Variants in P2RY8 observed in about 807,000 individuals in gnomAD.
P2RY8 encodes P2Y receptor family member 8.
Under a neutral mutation model 10.0 loss-of-function variants are expected in P2RY8, and 6 were observed. The observed-to-expected ratio is 0.60, with a 90% confidence interval of 0.33 to 1.19. The LOEUF (loss-of-function observed/expected upper bound fraction) is 1.19. Among genes scored for constraint, P2RY8 ranks in the 50% most tolerant of loss-of-function variants. P2RY8 has a pLI of 0.04. For synonymous variants in P2RY8, 276 were observed against 252.5 expected, an observed-to-expected ratio of 1.09 and a Z score of -0.88; for missense variants, 456 against 542.0, an observed-to-expected ratio of 0.84 and a Z score of 1.58.
rs1340491978 is a variant in P2RY8 at position 1,466,053 on chromosome X, G to T, written c.506C>A (p.Ala169Asp). 1 of 1,611,804 alleles carries T rather than the reference G, an allele frequency of 6.2e-7. No individual in the cohort carries two copies. The highest frequency in any genetic ancestry group is 8.5e-7 in the Non-Finnish European group (1 of 1,179,760). ...ARTDLTYPVH[A>D]LGIITCFDVL... Reference sequence around the variant, plus strand: ...GTCGAAGCAGGTGATGATGCCCAGGGCGTGCACCGGGTAGGTGAGATCGGT... The same window carrying T: ...GTCGAAGCAGGTGATGATGCCCAGGTCGTGCACCGGGTAGGTGAGATCGGT... Residue 169 changes from alanine to aspartate, a missense_variant, in exon 2 of 2, where the codon GCC (alanine) becomes GAC (aspartate). Coordinates refer to ENST00000381297, the MANE Select transcript of P2RY8 (RefSeq NM_178129.5).
At chrX:1,533,654 T>C (rs1156631276) in intron 1 of P2RY8, among the ~76,000 whole-genome samples, 2 of 127,340 alleles carry the variant, frequency 1.6e-5, no homozygotes, top group African/African-American at 6.2e-5. Flanking sequence ...ATTATTTACA[T>C]ATTTATTATT....
At chrX:1,482,458 A>T (rs1164057201) in intron 1 of P2RY8, among the ~76,000 whole-genome samples, 1 of 152,084 alleles carries the variant, frequency 6.6e-6, no homozygotes, top group African/African-American at 2.4e-5. Flanking sequence ...CATTTAACAG[A>T]TGAGAGAGAG....
chrX:1,521,181 T>C (rs1329496333), intron 1 of P2RY8, among the ~76,000 whole-genome samples: 6 of 151,758 alleles, frequency 4.0e-5, no homozygotes, highest in Non-Finnish European at 5.9e-5. Context: ...ATTACAGAGC[T>C]GGGTTTACAG....
rs1569536548 is a variant in P2RY8, at chrX:1,471,308, C to CTTTTTTTTTTTTTTTT, written c.-24-4727_-24-4726insAAAAAAAAAAAAAAAA. ...CAGACGTGAGCCACCGCGCCCAGCCCATTTTTTTTTTTTTTTTTTTTTTGT... is the reference window on the plus strand; with the variant it reads ...CAGACGTGAGCCACCGCGCCCAGCCCTTTTTTTTTTTTTTTTATTTTTTTTTTTTTTTTTTTTTTGT... On this transcript the variant is annotated intron_variant, in intron 1 of 1. Coordinates refer to ENST00000381297, the MANE Select transcript of P2RY8 (RefSeq NM_178129.5). Among the ~76,000 whole-genome samples the CTTTTTTTTTTTTTTTT allele has an allele frequency of 4.2e-5, 3 of 71,110 alleles. 1 individual carries two copies. Among genetic ancestry groups the CTTTTTTTTTTTTTTTT allele is most frequent in the African/African-American group, 1.0e-4 (2 of 19,258 alleles). 46.7% of individuals were successfully genotyped at this position (71,110 alleles called of 152,430 possible).
chrX:1,465,260 G>T lies in P2RY8; in HGVS notation c.*219C>A. On this transcript the variant is annotated 3_prime_UTR_variant, in exon 2 of 2. Coordinates refer to ENST00000381297, the MANE Select transcript of P2RY8 (RefSeq NM_178129.5). ...AGCACCCTGTGCGCTGCTGGGCTTTGCTTGTTTCTCTACCCTGAGTGAAGC... is the reference window on the plus strand; with the variant it reads ...AGCACCCTGTGCGCTGCTGGGCTTTTCTTGTTTCTCTACCCTGAGTGAAGC... 1.4e-6 allele frequency: 1 copy of T among 710,266 alleles called. No individual in the cohort carries two copies. The highest frequency in any genetic ancestry group is 2.2e-6 in the Non-Finnish European group (1 of 447,310). 44.0% of individuals were successfully genotyped at this position (710,266 alleles called of 1,614,324 possible).
rs137919151 is a variant in P2RY8, at chrX:1,489,599, A to T, written c.-24-23017T>A. 8.6e-3 allele frequency among the ~76,000 whole-genome samples: 1,306 copies of T among 152,136 alleles called. 17 individuals carry two copies. The highest frequency in any genetic ancestry group is 0.03 in the African/African-American group (1,240 of 41,466). On this transcript the variant is annotated intron_variant, in intron 1 of 1. Coordinates refer to ENST00000381297, the MANE Select transcript of P2RY8 (RefSeq NM_178129.5). ...GAATGATACCCAGATATTCCCTGCAAATGTGGAGGGAACGAATGAATGACA... is the reference window on the plus strand; with the variant it reads ...GAATGATACCCAGATATTCCCTGCATATGTGGAGGGAACGAATGAATGACA...
At chrX:1,534,685 G>A (rs1330122198) in intron 1 of P2RY8, among the ~76,000 whole-genome samples, 1 of 152,136 alleles carries the variant, frequency 6.6e-6, no homozygotes, top group Non-Finnish European at 1.5e-5. Context: ...GAAGGAGAGG[G>A]CGCAGGAGAG....
intron 1 of P2RY8, among the ~76,000 whole-genome samples, chrX:1,479,768 G>C (rs1205178721): frequency 6.6e-6 from 1 of 152,034 alleles, no homozygotes; most frequent in Non-Finnish European, 1.5e-5. Flanking sequence ...CAACAACAAA[G>C]AATGAGGACA....
chrX:1,467,127 G>C (rs1217601442), intron 1 of P2RY8, among the ~76,000 whole-genome samples: 2 of 152,080 alleles, frequency 1.3e-5, no homozygotes, highest in Non-Finnish European at 2.9e-5. Flanking sequence ...GGCAGTATTA[G>C]TCTGGGTATG....
intron 1 of P2RY8, among the ~76,000 whole-genome samples, chrX:1,519,431 G>A (rs1283027500): frequency 1.3e-5 from 2 of 150,390 alleles, no homozygotes; most frequent in Non-Finnish European, 3.0e-5. Flanking sequence ...TATTCTCTCT[G>A]ATCTCCAATA....
chrX:1,507,717 A>G (rs1215447663), intron 1 of P2RY8, among the ~76,000 whole-genome samples: 1 of 152,042 alleles, frequency 6.6e-6, no homozygotes, highest in Non-Finnish European at 1.5e-5. Flanking sequence ...TGCCACATTC[A>G]TGAGTAGCTT....
At position 1,464,046 on chromosome X, in the gene P2RY8, G is replaced by C. The variant is rs1342975544; in HGVS notation, c.*1433C>G. 4 of 233,146 alleles carry C rather than the reference G, an allele frequency of 1.7e-5. 1 individual carries two copies. The South Asian group carries it at 5.4e-4, about 32-fold the overall frequency. 14.4% of individuals were successfully genotyped at this position (233,146 alleles called of 1,614,324 possible). A position where few individuals can be genotyped will look rare whatever the true frequency, so the allele number is the denominator to read the frequency against. ...TGACGGCAGGAGAGAGGCACCAATA[G>C]AGGGCCTCCGAACAGCAGCTTCAGC... On this transcript the variant is annotated 3_prime_UTR_variant, in exon 2 of 2. Transcript: ENST00000381297.
At position 1,466,105 on chromosome X, in the gene P2RY8, G is replaced by C; in HGVS notation, c.454C>G (p.Leu152Val). 6.2e-7 allele frequency: 1 copy of C among 1,611,720 alleles called. No homozygotes were observed. The highest frequency in any genetic ancestry group is 1.1e-5 in the South Asian group (1 of 90,966). Residue 152 changes from leucine (L) to valine (V), a missense_variant, in exon 2 of 2, where the codon CTG becomes GTG. Transcript: ENST00000381297. ...CGCGCCAGCGGGGACAGGGCGGTCA[G>C]GAGCAGCAGCCAGGTCCCTGCACAC... ...AACAGTWLLL[L>V]TALSPLARTD...
chrX:1,493,245 G>A (rs757973578), intron 1 of P2RY8, among the ~76,000 whole-genome samples: 2 of 148,178 alleles, frequency 1.3e-5, no homozygotes, highest in South Asian at 2.2e-4. Flanking sequence ...CAGAGGTCAC[G>A]CCACTGCACT....
Position 1,466,341 on chromosome X carries a change from G to A in P2RY8, c.218C>T (p.Ala73Val). Residue 73 changes from alanine to valine, a missense_variant, in exon 2 of 2, where the codon GCC becomes GTC. Ala to Val is a moderately conservative substitution (Grantham distance 64). Transcript: ENST00000381297. ...GTAGATTTGGAAAGGCAACACGCTG[G>A]CCAGCATCAGGTCCGTGACGCTCAG... ...INLSVTDLML[A>V]SVLPFQIYYH... The A allele has an allele frequency of 1.9e-6, 3 of 1,613,850 alleles. No individual in the cohort carries two copies. The highest frequency in any genetic ancestry group is 2.5e-6 in the Non-Finnish European group (3 of 1,179,856).
At chrX:1,507,858 C>T (rs1466506504) in intron 1 of P2RY8, among the ~76,000 whole-genome samples, 1 of 152,130 alleles carries the variant, frequency 6.6e-6, no homozygotes, top group African/African-American at 2.4e-5. Flanking sequence ...CGTGGTCAGA[C>T]CCACGGCTGA....
At chrX:1,533,521 A>G (rs2092496385) in intron 1 of P2RY8, among the ~76,000 whole-genome samples, 1 of 130,908 alleles carries the variant, frequency 7.6e-6, no homozygotes, top group Admixed American at 8.0e-5. Context: ...TGTATTGTAT[A>G]TTTATATTTT....
At position 1,465,532 on chromosome X, in the gene P2RY8, C is replaced by T; in HGVS notation, c.1027G>A (p.Gly343Arg). The T allele has an allele frequency of 6.2e-7, 1 of 1,611,914 alleles. No individual in the cohort carries two copies. Among genetic ancestry groups the T allele is most frequent in the Non-Finnish European group, 8.5e-7 (1 of 1,179,664 alleles). Residue 343 changes from glycine (G) to arginine (R), a missense_variant, in exon 2 of 2, where the codon GGG becomes AGG. By Grantham distance (125) the Gly-to-Arg change is moderately radical (BLOSUM62 -2). Transcript: ENST00000381297. ...VRSEAGAHPE[G>R]MEGATRPGLQ... ...CCGGGCCTGGTGGCTCCCTCCATCCCTTCAGGGTGCGCACCGGCCTCGGAG... is the reference window on the plus strand; with the variant it reads ...CCGGGCCTGGTGGCTCCCTCCATCCTTTCAGGGTGCGCACCGGCCTCGGAG...
At chrX:1,515,853 T>C (rs1216718988) in intron 1 of P2RY8, among the ~76,000 whole-genome samples, 2 of 149,286 alleles carry the variant, frequency 1.3e-5, no homozygotes, top group African/African-American at 4.9e-5. Flanking sequence ...GCAGAGATGC[T>C]CCATGATGAG....
Sources: gnomAD v4.1 joint callset for allele counts (sites outside exome capture counted in the v4.1 genomes callset) on GRCh38, gnomAD v4.1.1 for gene constraint, MANE v1.5 for transcripts, NCBI Gene and HGNC (gene_info 2026-07-23, HGNC 2026-07-21) for gene names.